NR3C1: variants seen among roughly 807,000 people sequenced by gnomAD.
The protein encoded by NR3C1 is glucocorticoid receptor.
Under a neutral mutation model 74.0 loss-of-function variants are expected in NR3C1, and 14 were observed. The observed-to-expected ratio is 0.19, with a 90% CI of 0.12 to 0.30. The LOEUF is 0.30. Ranked by LOEUF, NR3C1 falls within the 10% of genes least tolerant of loss-of-function variation. The probability of loss-of-function intolerance (pLI) is 1.00; values close to 1 mark genes in which losing one functional copy is unlikely to be tolerated. For synonymous variants in NR3C1, 308 were observed against 332.5 expected, an observed-to-expected ratio of 0.93 and a Z score of 0.80; for missense variants, 695 against 909.8, an observed-to-expected ratio of 0.76 and a Z score of 3.04.
At chr5:143,408,071 A>G (rs906038581), upstream of NR3C1, among the ~76,000 whole-genome samples, 12 of 152,234 alleles carry the variant, frequency 7.9e-5, no homozygotes, top group African/African-American at 2.2e-4. Flanking sequence ...AAAACCTGTG[A>G]TTGAACATTT....
intron 2 of NR3C1, among the ~76,000 whole-genome samples, chr5:143,371,993 A>C (rs1031577123): frequency 2.0e-5 from 3 of 152,180 alleles, no homozygotes; most frequent in Non-Finnish European, 2.9e-5. Context: ...GGATGCCTGA[A>C]ATCACAGGTA....
intron 4 of NR3C1, among the ~76,000 whole-genome samples, chr5:143,303,804 A>G (rs923479411): frequency 6.6e-6 from 1 of 152,094 alleles, no homozygotes; most frequent in Admixed American, 6.6e-5. Context: ...AATGTGATTC[A>G]CCACATAACA....
intron 3 of NR3C1, among the ~76,000 whole-genome samples, chr5:143,313,443 T>C (rs1821395419): frequency 1.3e-5 from 2 of 152,210 alleles, no homozygotes. Context: ...TACCTTGTCA[T>C]TGTTAACTCA....
chr5:143,403,100 G>A (rs1445460347), intron 1 of NR3C1, 111 bp downstream of exon 1: 1 of 170,978 alleles, frequency 5.8e-6, no homozygotes, highest in East Asian at 4.0e-4. Context: ...CCCACTCCCC[G>A]AGGCTAATAA....
chr5:143,385,588 C>T (rs1248642232), intron 2 of NR3C1, among the ~76,000 whole-genome samples: 1 of 152,236 alleles, frequency 6.6e-6, no homozygotes, highest in Non-Finnish European at 1.5e-5. Context: ...AATCATCTCT[C>T]TCAAGTTCAA....
intron 2 of NR3C1, among the ~76,000 whole-genome samples, chr5:143,357,769 C>T (rs192608334): frequency 3.2e-4 from 48 of 152,320 alleles, no homozygotes; most frequent in Middle Eastern, 6.8e-3. Context: ...CTGAAAAATA[C>T]ATATCTTCAT....
intron 2 of NR3C1, among the ~76,000 whole-genome samples, chr5:143,396,166 A>C (rs1435094455): frequency 2.0e-5 from 3 of 151,854 alleles, no homozygotes; most frequent in Admixed American, 2.0e-4. Context: ...TGCTAGTCAC[A>C]TATTTCTGCA....
chr5:143,366,892 CCTT>C (rs1561683943), intron 2 of NR3C1, among the ~76,000 whole-genome samples: 2 of 152,146 alleles, frequency 1.3e-5, no homozygotes, highest in Non-Finnish European at 2.9e-5. Context: ...TACCAACAAT[CCTT>C]CTTCTCAAAG....
chr5:143,293,864 CTTTTT>C (rs201491533), intron 7 of NR3C1: 34 of 811,350 alleles, frequency 4.2e-5, no homozygotes, highest in Non-Finnish European at 4.7e-5. Flanking sequence ...TGAAACCATT[CTTTTT>C]TTTTTTTTTT....
intron 2 of NR3C1, among the ~76,000 whole-genome samples, chr5:143,341,578 T>G (rs1828235746): frequency 6.6e-6 from 1 of 152,244 alleles, no homozygotes; most frequent in Non-Finnish European, 1.5e-5. Context: ...AAGAGAAGTC[T>G]TCTAACTGCC....
At chr5:143,365,494 AC>A (rs1833031632) in intron 2 of NR3C1, among the ~76,000 whole-genome samples, 1 of 152,354 alleles carries the variant, frequency 6.6e-6, no homozygotes, top group Non-Finnish European at 1.5e-5. Context: ...ACTTACTTGT[AC>A]CTAACAATAG....
intron 2 of NR3C1, among the ~76,000 whole-genome samples, chr5:143,326,243 T>C (rs1824576874): frequency 6.6e-6 from 1 of 152,216 alleles, no homozygotes; most frequent in Non-Finnish European, 1.5e-5. Flanking sequence ...GTAGCATCCA[T>C]TAAGCTTGAC....
At chr5:143,417,342 C>G (rs1392681387) in intron 1 of NR3C1, among the ~76,000 whole-genome samples, 1 of 152,078 alleles carries the variant, frequency 6.6e-6, no homozygotes, top group Non-Finnish European at 1.5e-5. Flanking sequence ...CTTTATACTT[C>G]TCTCTCTCAT....
chr5:143,294,315 A>C, intron 7 of NR3C1: 1 of 936,280 alleles, frequency 1.1e-6, no homozygotes, highest in Non-Finnish European at 1.3e-6. Flanking sequence ...TCAGCTATTA[A>C]CTCAGTATTT....
intron 7 of NR3C1, among the ~76,000 whole-genome samples, chr5:143,284,218 T>C (rs1380430602): frequency 1.3e-5 from 2 of 152,090 alleles, no homozygotes; most frequent in Non-Finnish European, 2.9e-5. Flanking sequence ...AGTGCTGGGA[T>C]TTCAGGCAGT....
chr5:143,384,564 A>G (rs1836832556), intron 2 of NR3C1, among the ~76,000 whole-genome samples: 1 of 152,222 alleles, frequency 6.6e-6, no homozygotes, highest in South Asian at 2.1e-4. Flanking sequence ...TGGTTAAGAC[A>G]AAGAGGCTAC....
intron 2 of NR3C1, among the ~76,000 whole-genome samples, chr5:143,363,670 A>C (rs1369737750): frequency 6.6e-6 from 1 of 152,180 alleles, no homozygotes; most frequent in Non-Finnish European, 1.5e-5. Flanking sequence ...ATAAAACAGT[A>C]TCTCATTAAA....
In NR3C1 at chr5:143,300,364, G is replaced by A. The variant is rs3776216; in HGVS notation, c.1747+121C>T. 1.3e-4 allele frequency: 164 copies of A among 1,215,658 alleles called. 1 individual carries two copies. In the East Asian group the frequency reaches 3.8e-3, roughly 28 times the overall value. The allele number at this position is 1,215,658 out of a possible 1,614,324, so 75.3% of individuals were successfully genotyped here. On this transcript the variant is annotated intron_variant, in intron 5 of 8. Coordinates refer to ENST00000394464, the MANE Select transcript of NR3C1 (RefSeq NM_000176.3). This position sits in a 1 kb window ranked among gnomAD's most constrained non-coding sequence, Gnocchi z 5.2. ...TATTCACCTGACTCTCCCCTTCATA[G>A]TCCCCAGAACTAAGAGAAACAAGAT...
chr5:143,279,472 A>T lies in NR3C1; in HGVS notation c.*2417T>A. 1.4e-6 allele frequency: 2 copies of T among 1,452,132 alleles called. No individual in the cohort carries two copies. Among genetic ancestry groups the T allele is most frequent in the Non-Finnish European group, 1.8e-6 (2 of 1,107,322 alleles). The allele number at this position is 1,452,132 out of a possible 1,614,324, so 90.0% of individuals were successfully genotyped here. A position where few individuals can be genotyped will look rare whatever the true frequency, so the allele number is the denominator to read the frequency against. ...TTTTTGAAACTTAACACTGTCATTG[A>T]TAAGAATATTCAAGCAGTTTTCTTA... On this transcript the variant is annotated 3_prime_UTR_variant, in exon 9 of 9. Transcript: ENST00000394464.
Sources: gnomAD v4.1 joint callset for allele counts (sites outside exome capture counted in the v4.1 genomes callset) on GRCh38, gnomAD v4.1.1 for gene constraint, Gnocchi (gnomAD v3.1) non-coding constraint, MANE v1.5 for transcripts, NCBI Gene and HGNC (gene_info 2026-07-23, HGNC 2026-07-21) for gene names.